TBL1X: variants seen among roughly 807,000 people sequenced by gnomAD.
TBL1X encodes the protein F-box-like/WD repeat-containing protein TBL1X.
In TBL1X, 10 loss-of-function variants were observed where a neutral mutation model predicts 50.7. That is an observed-to-expected ratio of 0.20 (90% CI 0.12 to 0.33). The LOEUF (loss-of-function observed/expected upper bound fraction) is 0.33. Ranked by LOEUF, TBL1X falls within the 10% of genes least tolerant of loss-of-function variation. The probability of loss-of-function intolerance (pLI) is 1.00; values close to 1 mark genes in which losing one functional copy is unlikely to be tolerated. For missense variants in TBL1X, 340 were observed against 504.4 expected, an observed-to-expected ratio of 0.67 and a Z score of 3.12; for synonymous variants, 190 against 214.7, an observed-to-expected ratio of 0.88 and a Z score of 1.01.
At chrX:9,565,271 C>CAAAGA (rs780772910) in intron 2 of TBL1X, among the ~76,000 whole-genome samples, 1 of 37,399 alleles carries the variant, frequency 2.7e-5, no homozygotes, top group African/African-American at 1.1e-4. Flanking sequence ...GACTCCGTCT[C>CAAAGA]AAAAAAAAAA....
Position 9,635,081 on chromosome X carries a change from G to A in TBL1X, c.-130-5192G>A, listed in dbSNP as rs753784324. Among the ~76,000 whole-genome samples, 4 of 111,536 alleles carry A rather than the reference G, an allele frequency of 3.6e-5. No individual in the cohort carries two copies. The South Asian group carries it at 1.1e-3, about 32-fold the overall frequency. Reference sequence around the variant, plus strand: ...GGGGCTGGAGGGGCCGTGTCCCGGCGCCTCCTTCCTGTGGCTGCTGAGTTG... The same window carrying A: ...GGGGCTGGAGGGGCCGTGTCCCGGCACCTCCTTCCTGTGGCTGCTGAGTTG... On this transcript the variant is annotated intron_variant, in intron 2 of 17. Coordinates refer to ENST00000645353, the MANE Select transcript of TBL1X (RefSeq NM_005647.4).
intron 1 of TBL1X, among the ~76,000 whole-genome samples, chrX:9,491,306 T>TTATATATATATA (rs757466880): frequency 1.2e-4 from 6 of 51,907 alleles, no homozygotes; most frequent in East Asian, 8.1e-4. Context: ...GCCAGTATAT[T>TTATATATATATA]TATATATATA....
At chrX:9,491,306 T>TTATA (rs757466880) in intron 1 of TBL1X, among the ~76,000 whole-genome samples, 1,127 of 51,674 alleles carry the variant, frequency 0.022, 15 homozygotes, top group Middle Eastern at 0.027. Context: ...GCCAGTATAT[T>TTATA]TATATATATA....
chrX:9,672,231 T>C (rs962932137), intron 5 of TBL1X, among the ~76,000 whole-genome samples: 5 of 111,705 alleles, frequency 4.5e-5, no homozygotes, highest in African/African-American at 1.6e-4. Flanking sequence ...TCTAAGAGAG[T>C]CCACATTTCC....
At chrX:9,706,336 G>A (rs775724786) in intron 13 of TBL1X, among the ~76,000 whole-genome samples, 11 of 111,599 alleles carry the variant, frequency 9.9e-5, no homozygotes, top group South Asian at 3.8e-4. Context: ...ACCTATATGC[G>A]TGATGGGGAG....
In TBL1X at chrX:9,715,003, T is replaced by G; in HGVS notation, c.1707T>G (p.Ser569=). ...TGGGTGCCAGCGCGTCCGACGGCTC[T>G]GTAAGCAACACCTCTGGTTTGCTGG... ...DKVGASASDG[S]VCVLDLRK Residue 569 remains serine (S), a splice_region_variant and synonymous_variant, in exon 17 of 18, where the codon TCT becomes TCG. Coordinates refer to ENST00000645353, the MANE Select transcript of TBL1X (RefSeq NM_005647.4). The G allele has an allele frequency of 8.3e-7, 1 of 1,208,608 alleles. No individual in the cohort carries two copies. The highest frequency in any genetic ancestry group is 1.1e-6 in the Non-Finnish European group (1 of 893,528).
chrX:9,510,672 T>G (rs1376381975), intron 2 of TBL1X, among the ~76,000 whole-genome samples: 1 of 112,376 alleles, frequency 8.9e-6, no homozygotes, highest in Non-Finnish European at 1.9e-5. Context: ...AGGTATTTTT[T>G]AGATGAAATA....
chrX:9,581,060 C>T (rs909141211), intron 2 of TBL1X, among the ~76,000 whole-genome samples: 3 of 111,126 alleles, frequency 2.7e-5, no homozygotes, highest in East Asian at 2.8e-4. Flanking sequence ...GGGGGGCTTT[C>T]GAATGTTATT....
intron 2 of TBL1X, among the ~76,000 whole-genome samples, chrX:9,553,489 A>C (rs2082280619): frequency 8.9e-6 from 1 of 112,031 alleles, no homozygotes; most frequent in Admixed American, 9.4e-5. Flanking sequence ...TTGTGACAGC[A>C]GCAACAGGAA....
rs2083248744 is a variant in TBL1X at position 9,711,762 on chromosome X, A to G, written c.1591A>G (p.Ile531Val). The part of the protein sequence containing the change: ...ASGSFDKCVH[I>V]WNTQSGNLVH... ...TGGATCCTTCGACAAGTGCGTCCATATCTGGAATACTCAGGTAAGCTCCCG... is the reference window on the plus strand; with the variant it reads ...TGGATCCTTCGACAAGTGCGTCCATGTCTGGAATACTCAGGTAAGCTCCCG... The change falls in exon 16 of 18, where the codon ATC becomes GTC. Residue 531 changes from isoleucine to valine, a missense_variant. Ile to Val is a conservative substitution (Grantham distance 29). Coordinates refer to ENST00000645353, the MANE Select transcript of TBL1X (RefSeq NM_005647.4). The G allele has an allele frequency of 1.7e-6, 2 of 1,198,327 alleles. No homozygotes were observed. The highest frequency in any genetic ancestry group is 1.8e-5 in the South Asian group (1 of 55,091).
chrX:9,534,045 C>A lies in TBL1X; in HGVS notation c.-131+32196C>A, dbSNP rs968006556. ...TGCGGGAGCAAGGGAGGGAGGCAGGCGAGGAGAAGGGTTGCCCAGGAGCCT... is the reference window on the plus strand; with the variant it reads ...TGCGGGAGCAAGGGAGGGAGGCAGGAGAGGAGAAGGGTTGCCCAGGAGCCT... On this transcript the variant is annotated intron_variant, in intron 2 of 17. Coordinates refer to ENST00000645353, the MANE Select transcript of TBL1X (RefSeq NM_005647.4). Among the ~76,000 whole-genome samples the A allele has an allele frequency of 9.9e-5, 11 of 111,368 alleles. 1 individual carries two copies. Among genetic ancestry groups the A allele is most frequent in the Admixed American group, 7.6e-4 (8 of 10,596 alleles).
At chrX:9,654,095 T>G in intron 4 of TBL1X, 120 bp from the exon 5 acceptor site, 3 of 535,985 alleles carry the variant, frequency 5.6e-6, no homozygotes, top group Non-Finnish European at 8.9e-6. Flanking sequence ...TATAACACAA[T>G]CAGATATTAA....
intron 1 of TBL1X, among the ~76,000 whole-genome samples, chrX:9,466,077 G>A (rs886125021): frequency 8.9e-6 from 1 of 112,441 alleles, no homozygotes; most frequent in Non-Finnish European, 1.9e-5. Flanking sequence ...CCCGGCCTGA[G>A]CGCACGGCTG....
intron 2 of TBL1X, among the ~76,000 whole-genome samples, chrX:9,516,649 T>C (rs1216127436): frequency 1.8e-5 from 2 of 112,615 alleles, no homozygotes; most frequent in Non-Finnish European, 3.8e-5. Flanking sequence ...CTTGGTGCAA[T>C]TGGGTAACCA....
At chrX:9,630,683 C>T (rs1415917433) in intron 2 of TBL1X, among the ~76,000 whole-genome samples, 2 of 111,634 alleles carry the variant, frequency 1.8e-5, no homozygotes, top group Admixed American at 9.5e-5. Context: ...TCAGGTGATC[C>T]TCCCACCTCA....
intron 1 of TBL1X, among the ~76,000 whole-genome samples, chrX:9,469,907 CCT>C (rs1396046139): frequency 8.9e-6 from 1 of 112,679 alleles, no homozygotes; most frequent in Non-Finnish European, 1.9e-5. Context: ...ACCTTTGCCT[CCT>C]CTCTCTGATG....
chrX:9,676,029 C>A (rs1383515644), intron 5 of TBL1X, among the ~76,000 whole-genome samples: 1 of 112,171 alleles, frequency 8.9e-6, no homozygotes, highest in Admixed American at 9.4e-5. Flanking sequence ...AAATTGCTTT[C>A]TCTTATATTC....
chrX:9,601,633 G>A (rs1365592025), intron 2 of TBL1X, among the ~76,000 whole-genome samples: 4 of 111,488 alleles, frequency 3.6e-5, no homozygotes, highest in Non-Finnish European at 7.5e-5. Context: ...CCACCCCTCT[G>A]GCCACTCAGG....
In TBL1X at chrX:9,668,722, A is replaced by G. The variant is rs180739691; in HGVS notation, c.211+14400A>G. On this transcript the variant is annotated intron_variant, in intron 5 of 17. Transcript: ENST00000645353. ...CTTTGACTGGAATGGCATGCATTCA[A>G]ATATAAACAGACTGCTTTAAGGAAT... is the stretch of plus-strand genomic sequence containing the variant. 4.5e-5 allele frequency among the ~76,000 whole-genome samples: 5 copies of G among 112,353 alleles called. No homozygotes were observed. The Admixed American group carries it at 4.7e-4, about 11-fold the overall frequency.
Sources: allele counts gnomAD v4.1 joint callset (sites outside exome capture counted in the v4.1 genomes callset), GRCh38; gene constraint gnomAD v4.1.1; transcripts MANE v1.5; gene names NCBI Gene and HGNC (gene_info 2026-07-23, HGNC 2026-07-21).